Variants in PCDHA11 observed in about 807,000 individuals in gnomAD.
PCDHA11 encodes the protein protocadherin alpha 11.
Under a neutral mutation model 70.3 loss-of-function variants are expected in PCDHA11, and 61 were observed. The ratio of observed to expected loss-of-function variants is 0.87; its 90% CI spans 0.71 to 1.07. The LOEUF is 1.07. Among genes scored for constraint, PCDHA11 ranks in the 50% least tolerant of loss-of-function variants. PCDHA11 has a pLI of 0.00. For missense variants in PCDHA11, 1,324 were observed against 1,237.5 expected (o/e 1.07, Z -1.05); for synonymous variants, 633 against 555.1 (o/e 1.14, Z -1.97).
intron 1 of PCDHA11, among the ~76,000 whole-genome samples, chr5:140,933,147 A>G (rs1584764690): frequency 6.6e-6 from 1 of 151,986 alleles, no homozygotes. Context: ...ATAGCCACTC[A>G]TTTTGTTCCC....
rs2153592349 is a variant in PCDHA11 at position 140,927,874 on chromosome 5, G to A, written c.2392-51075G>A. 1.9e-6 allele frequency: 3 copies of A among 1,614,102 alleles called. No individual in the cohort carries two copies. The East Asian group carries it at 6.7e-5, about 36-fold the overall frequency. Reference sequence around the variant, plus strand: ...TTTAGCTAGCACCGCTAAACTGCTGGTGGAGGTGACTGACGTGAACGATCA... The same window carrying A: ...TTTAGCTAGCACCGCTAAACTGCTGATGGAGGTGACTGACGTGAACGATCA... On this transcript the variant is annotated intron_variant, in intron 1 of 3. Coordinates refer to ENST00000398640, the MANE Select transcript of PCDHA11 (RefSeq NM_018902.5).
At chr5:140,875,580 C>T (rs1381718234) in intron 1 of PCDHA11, 2 of 1,614,076 alleles carry the variant, frequency 1.2e-6, no homozygotes, top group East Asian at 2.2e-5. Flanking sequence ...ACTCCGTCTA[C>T]GAGGAGGCCA....
At chr5:140,942,757 T>C (rs2093364947) in intron 1 of PCDHA11, among the ~76,000 whole-genome samples, 1 of 152,174 alleles carries the variant, frequency 6.6e-6, no homozygotes, top group South Asian at 2.1e-4. Context: ...ATAAATGAGA[T>C]GGCATAATGT....
chr5:140,993,535 GAGAT>G (rs2097571300), intron 3 of PCDHA11, among the ~76,000 whole-genome samples: 1 of 151,900 alleles, frequency 6.6e-6, no homozygotes, highest in African/African-American at 2.4e-5. Context: ...GAGAGAGAGA[GAGAT>G]AGAGAAGTGA....
intron 1 of PCDHA11, chr5:140,876,762 G>A (rs1554168889): frequency 3.7e-6 from 6 of 1,614,252 alleles, no homozygotes; most frequent in Non-Finnish European, 5.1e-6. Flanking sequence ...CGCGGGATGG[G>A]GGCTCGCCTT....
chr5:140,937,606 TACTC>T (rs1186588675), intron 1 of PCDHA11, among the ~76,000 whole-genome samples: 2 of 123,664 alleles, frequency 1.6e-5, no homozygotes, highest in Non-Finnish European at 3.5e-5. Context: ...AACAGAGTGA[TACTC>T]CATCTAAAAA....
intron 1 of PCDHA11, among the ~76,000 whole-genome samples, chr5:140,938,121 A>T (rs981387543): frequency 2.0e-5 from 3 of 151,892 alleles, no homozygotes; most frequent in Admixed American, 6.6e-5. Context: ...CTCTTTTTTT[A>T]AAAAAATAGA....
intron 1 of PCDHA11, among the ~76,000 whole-genome samples, chr5:140,942,504 G>C (rs2093309107): frequency 6.6e-6 from 1 of 151,936 alleles, no homozygotes; most frequent in Admixed American, 6.6e-5. Flanking sequence ...ATGGTATCTA[G>C]GAAACTCAGA....
intron 3 of PCDHA11, among the ~76,000 whole-genome samples, chr5:140,990,966 A>G (rs2097424130): frequency 6.6e-6 from 1 of 152,214 alleles, no homozygotes; most frequent in Non-Finnish European, 1.5e-5. Context: ...GTCTCTTAGA[A>G]CAAGAGAAAG....
intron 1 of PCDHA11, among the ~76,000 whole-genome samples, chr5:140,908,412 T>G (rs2073956005): frequency 6.6e-6 from 1 of 152,212 alleles, no homozygotes; most frequent in South Asian, 2.1e-4. Context: ...TTCCATTTGA[T>G]GATGGAATGC....
At chr5:140,882,452 C>A (rs782448323) in intron 1 of PCDHA11, 1 of 1,614,042 alleles carries the variant, frequency 6.2e-7, no homozygotes, top group East Asian at 2.2e-5. Context: ...GCTGGTGCCG[C>A]GCCTGTTCCG....
chr5:140,873,031 G>A (rs782124612), intron 1 of PCDHA11, among the ~76,000 whole-genome samples: 3 of 152,110 alleles, frequency 2.0e-5, no homozygotes, highest in East Asian at 1.9e-4. Context: ...CTTACTACAC[G>A]TAGAGTGGTG....
chr5:140,992,216 C>G (rs1554252754), intron 3 of PCDHA11, among the ~76,000 whole-genome samples: 1 of 152,100 alleles, frequency 6.6e-6, no homozygotes, highest in African/African-American at 2.4e-5. Flanking sequence ...AAACTACTCT[C>G]CCTTCCTGGG....
intron 1 of PCDHA11, chr5:140,966,628 C>G (rs944715570): frequency 7.9e-5 from 76 of 964,108 alleles, no homozygotes; most frequent in Non-Finnish European, 1.0e-4. Flanking sequence ...GGGAGCGGCC[C>G]CAGGCGCTTT....
At chr5:140,924,894 CAAAAA>C (rs782133089) in intron 1 of PCDHA11, among the ~76,000 whole-genome samples, 149 of 71,508 alleles carry the variant, frequency 2.1e-3, no homozygotes, top group African/African-American at 5.7e-3. Context: ...GAACCTGTCT[CAAAAA>C]AAAAAATAAA....
intron 1 of PCDHA11, chr5:140,882,355 C>T: frequency 6.2e-7 from 1 of 1,614,166 alleles, no homozygotes; most frequent in African/African-American, 1.3e-5. Context: ...CGGGTAGTGG[C>T]CAGCTCCACT....
chr5:140,993,850 G>A (rs1187946683), intron 3 of PCDHA11, among the ~76,000 whole-genome samples: 2 of 152,144 alleles, frequency 1.3e-5, no homozygotes, highest in African/African-American at 4.8e-5. Context: ...TATGTAGTAG[G>A]CTATGCCATC....
intron 1 of PCDHA11, among the ~76,000 whole-genome samples, chr5:140,914,691 T>G (rs1300550753): frequency 6.6e-6 from 1 of 152,130 alleles, no homozygotes; most frequent in Non-Finnish European, 1.5e-5. Flanking sequence ...TTTTCTCTGG[T>G]GGTATGATTT....
intron 1 of PCDHA11, among the ~76,000 whole-genome samples, chr5:140,937,563 G>T (rs986469529): frequency 2.0e-5 from 3 of 151,960 alleles, no homozygotes; most frequent in African/African-American, 7.3e-5. Flanking sequence ...GTTGCAGTGA[G>T]CTGGGATCGC....
Sources: allele counts gnomAD v4.1 joint callset (sites outside exome capture counted in the v4.1 genomes callset), GRCh38; gene constraint gnomAD v4.1.1; transcripts MANE v1.5; gene names NCBI Gene and HGNC (gene_info 2026-07-23, HGNC 2026-07-21).